Variants in SLC24A2 observed in about 807,000 individuals in gnomAD.
The protein encoded by SLC24A2 is solute carrier family 24 member 2.
Under a neutral mutation model 62.0 loss-of-function variants are expected in SLC24A2, and 36 were observed. That is an observed-to-expected ratio of 0.58 (90% CI 0.44 to 0.77). SLC24A2 has a LOEUF of 0.77. Among genes scored for constraint, SLC24A2 ranks in the 30% least tolerant of loss-of-function variants. The pLI is 0.00. For missense variants in SLC24A2, 846 were observed against 817.9 expected, an observed-to-expected ratio of 1.03 and a Z score of -0.42; for synonymous variants, 358 against 294.0, an observed-to-expected ratio of 1.22 and a Z score of -2.23.
chr9:20,269,585 G>C, the SLC24A2 span, among the ~76,000 whole-genome samples: 1 of 152,142 alleles, frequency 6.6e-6, no homozygotes, highest in Non-Finnish European at 1.5e-5. Context: ...ATGTACCCCT[G>C]ATAGCAGATG....
the SLC24A2 span, among the ~76,000 whole-genome samples, chr9:20,174,042 C>A: frequency 6.6e-6 from 1 of 151,744 alleles, no homozygotes; most frequent in African/African-American, 2.4e-5. Context: ...CAGAAATAAA[C>A]CGAAATACTT....
intron 2 of SLC24A2, among the ~76,000 whole-genome samples, chr9:19,692,272 A>G (rs1042485540): frequency 6.6e-6 from 1 of 152,180 alleles, no homozygotes; most frequent in African/African-American, 2.4e-5. Context: ...CAAGTCACAA[A>G]ACAGTTGCCA....
chr9:20,223,808 A>G, the SLC24A2 span, among the ~76,000 whole-genome samples: 1 of 152,134 alleles, frequency 6.6e-6, no homozygotes, highest in South Asian at 2.1e-4. Flanking sequence ...ATGTACCTGT[A>G]TTAGTCTGTT....
At chr9:19,644,917 G>A (rs2118109076) in intron 2 of SLC24A2, among the ~76,000 whole-genome samples, 1 of 152,146 alleles carries the variant, frequency 6.6e-6, no homozygotes, top group South Asian at 2.1e-4. Context: ...TGCATTTACT[G>A]GAATAGGGTC....
At chr9:20,087,902 A>G in the SLC24A2 span, among the ~76,000 whole-genome samples, 1 of 152,114 alleles carries the variant, frequency 6.6e-6, no homozygotes, top group Non-Finnish European at 1.5e-5. Context: ...AGCGTCCCCT[A>G]CCCAGGGAAG....
chr9:19,791,236 T>C (rs995094174), upstream of SLC24A2, among the ~76,000 whole-genome samples: 3 of 152,204 alleles, frequency 2.0e-5, no homozygotes, highest in African/African-American at 7.2e-5. Flanking sequence ...ATTACATCTG[T>C]GTTCCAGGCA....
intron 2 of SLC24A2, among the ~76,000 whole-genome samples, chr9:19,657,889 A>C (rs1032539552): frequency 1.3e-5 from 2 of 152,000 alleles, no homozygotes; most frequent in Non-Finnish European, 2.9e-5. Context: ...CACCACACCC[A>C]GCTAATTAAA....
intron 4 of SLC24A2, among the ~76,000 whole-genome samples, chr9:19,611,345 G>A (rs1837157684): frequency 6.6e-6 from 1 of 151,124 alleles, no homozygotes; most frequent in Non-Finnish European, 1.5e-5. Flanking sequence ...AGCAGGGGAG[G>A]AAGGGAGGAA....
chr9:19,751,789 T>C (rs1431446532), intron 2 of SLC24A2, among the ~76,000 whole-genome samples: 2 of 152,164 alleles, frequency 1.3e-5, no homozygotes, highest in African/African-American at 4.8e-5. Context: ...TTAGCAAATA[T>C]GTGTCTGGAG....
At chr9:19,947,828 G>GA in the SLC24A2 span, among the ~76,000 whole-genome samples, 1 of 141,568 alleles carries the variant, frequency 7.1e-6, no homozygotes, top group Non-Finnish European at 1.6e-5. Flanking sequence ...AAGAAAGAAA[G>GA]AAAGAAAGAA....
chr9:20,089,922 C>T, the SLC24A2 span, among the ~76,000 whole-genome samples: 2 of 152,078 alleles, frequency 1.3e-5, no homozygotes, highest in Non-Finnish European at 2.9e-5. Flanking sequence ...AGCTACCTCT[C>T]TCCACTGGCT....
the SLC24A2 span, among the ~76,000 whole-genome samples, chr9:19,816,554 G>A: frequency 6.6e-6 from 1 of 152,082 alleles, no homozygotes; most frequent in Non-Finnish European, 1.5e-5. Context: ...AAACACCCAA[G>A]ACTGGGTAAT....
the SLC24A2 span, among the ~76,000 whole-genome samples, chr9:19,818,837 G>GA: frequency 6.6e-6 from 1 of 152,054 alleles, no homozygotes. Context: ...CACAGAATTA[G>GA]AAAAAACAAT....
chr9:20,216,930 G>C, the SLC24A2 span, among the ~76,000 whole-genome samples: 1 of 152,068 alleles, frequency 6.6e-6, no homozygotes, highest in Non-Finnish European at 1.5e-5. Context: ...GGAGGGTTCA[G>C]GCATATAAGG....
chr9:19,557,442 A>G (rs779811568), intron 7 of SLC24A2, among the ~76,000 whole-genome samples: 15 of 152,342 alleles, frequency 9.8e-5, no homozygotes, highest in Admixed American at 2.0e-4. Flanking sequence ...GAGGGCGAGA[A>G]GTAGGTACAA....
chr9:20,154,906 T>C, the SLC24A2 span, among the ~76,000 whole-genome samples: 1 of 151,694 alleles, frequency 6.6e-6, no homozygotes, highest in African/African-American at 2.4e-5. Flanking sequence ...ACAACCCTGG[T>C]GGGAATGGGG....
chr9:20,223,694 T>C, the SLC24A2 span, among the ~76,000 whole-genome samples: 5 of 152,180 alleles, frequency 3.3e-5, no homozygotes, highest in East Asian at 7.7e-4. Context: ...GAAAAATGGA[T>C]ATATAGTGGA....
chr9:20,140,280 C>G, the SLC24A2 span, among the ~76,000 whole-genome samples: 55 of 152,288 alleles, frequency 3.6e-4, 1 homozygote, highest in African/African-American at 5.1e-4. Flanking sequence ...GATCTGTACA[C>G]AGAGAGAGTG....
chr9:20,200,140 T>G, the SLC24A2 span, among the ~76,000 whole-genome samples: 1 of 152,078 alleles, frequency 6.6e-6, no homozygotes, highest in African/African-American at 2.4e-5. Flanking sequence ...ACACATACCT[T>G]ATTGTGTTTA....
Sources: allele counts gnomAD v4.1 joint callset (sites outside exome capture counted in the v4.1 genomes callset), GRCh38; gene constraint gnomAD v4.1.1; transcripts MANE v1.5; gene names NCBI Gene and HGNC (gene_info 2026-07-23, HGNC 2026-07-21).